HNRNPH1: variants seen among roughly 807,000 people sequenced by gnomAD.
HNRNPH1 encodes the protein heterogeneous nuclear ribonucleoprotein H1, also known as heterogeneous nuclear ribonucleoprotein H.
In HNRNPH1, 4 loss-of-function variants were observed where a neutral mutation model predicts 58.6. The ratio of observed to expected loss-of-function variants is 0.07; its 90% confidence interval spans 0.03 to 0.16. The LOEUF (loss-of-function observed/expected upper bound fraction) is 0.16. Ranked by LOEUF, HNRNPH1 falls within the 10% of genes least tolerant of loss-of-function variation. HNRNPH1 has a pLI of 1.00. For synonymous variants in HNRNPH1, 192 were observed against 189.2 expected, an observed-to-expected ratio of 1.01 and a Z score of -0.12; for missense variants, 271 against 564.2, an observed-to-expected ratio of 0.48 and a Z score of 5.26.
At chr5:179,615,237 T>C in intron 12 of HNRNPH1, 1 of 427,812 alleles carries the variant, frequency 2.3e-6, no homozygotes, top group Non-Finnish European at 4.2e-6. Flanking sequence ...CTAGTGTTTT[T>C]CAAAAATTGC....
chr5:179,621,018 C>T (rs149952607), exon 3 of HNRNPH1: 3 of 1,613,810 alleles, frequency 1.9e-6, no homozygotes, highest in South Asian at 1.1e-5. Context: ...TCCATTTCAA[C>T]GTTGTTTGAC....
chr5:179,617,411 G>A (rs750671847), intron 8 of HNRNPH1, 103 bp downstream of exon 9: 61 of 1,319,470 alleles, frequency 4.6e-5, no homozygotes, highest in African/African-American at 7.3e-5. Flanking sequence ...ATCTATTACT[G>A]GAGAGGAAAC....
upstream of HNRNPH1, among the ~76,000 whole-genome samples, chr5:179,626,339 A>T (rs1398522874): frequency 6.6e-6 from 1 of 151,890 alleles, no homozygotes. Context: ...TCCTGACCTC[A>T]AGTGATCTGC....
At chr5:179,615,016 A>G in intron 12 of HNRNPH1, 57 bp from the exon 14 acceptor site, 1 of 1,037,500 alleles carries the variant, frequency 9.6e-7, no homozygotes, top group Non-Finnish European at 1.5e-6. Context: ...AGTCAAATAA[A>G]ATATAGTATT....
exon 11 of HNRNPH1, chr5:179,616,208 G>A (rs755248891): frequency 4.3e-6 from 7 of 1,613,812 alleles, no homozygotes; most frequent in African/African-American, 1.3e-5. Flanking sequence ...CCCCGTAGCT[G>A]GACTGGTTTG....
intron 8 of HNRNPH1, 55 bp downstream of exon 9, chr5:179,617,459 A>G: frequency 6.4e-7 from 1 of 1,567,092 alleles, no homozygotes; most frequent in Non-Finnish European, 8.7e-7. Context: ...CTCTATTGTA[A>G]ATGTTAGTCA....
At chr5:179,618,048 T>C (rs140414006) in exon 6 of HNRNPH1, 1 of 1,614,118 alleles carries the variant, frequency 6.2e-7, no homozygotes, top group Non-Finnish European at 8.5e-7. Context: ...GTAATCATCA[T>C]AGCCTCCATA....
At chr5:179,614,307 CTAA>C (rs1768376932) in exon 13 of HNRNPH1, 1 of 151,666 alleles carries the variant, frequency 6.6e-6, no homozygotes, top group Non-Finnish European at 1.5e-5. Flanking sequence ...GACCAAAATC[CTAA>C]GTATTGGTAT....
chr5:179,617,727 C>T lies in HNRNPH1; in HGVS notation c.921+72G>A, dbSNP rs112827407. On this transcript the variant is annotated intron_variant, in intron 7 of 12. Coordinates refer to ENST00000356731, the Ensembl canonical transcript of HNRNPH1. ...AAAACCTAAAATTTCTAACATAGTG[C>T]TCACATTTATAGAATAAGGCTGACT... 1,337 of 1,603,722 alleles carry T rather than the reference C, an allele frequency of 8.3e-4. 15 individuals are homozygous for T. The African/African-American group carries it at 0.016, about 19-fold the overall frequency.
intron 10 of HNRNPH1, 51 bp from the exon 12 acceptor site, chr5:179,616,269 C>CACCAGGTACCACA: frequency 7.2e-7 from 1 of 1,379,752 alleles, no homozygotes; most frequent in Non-Finnish European, 1.0e-6. Context: ...GATGTGGTAC[C>CACCAGGTACCACA]TGGTGGTACC....
At chr5:179,622,208 C>T (rs769798255) in intron 1 of HNRNPH1, among the ~76,000 whole-genome samples, 3 of 145,602 alleles carry the variant, frequency 2.1e-5, no homozygotes, top group Non-Finnish European at 4.7e-5. Context: ...AAACACTCTT[C>T]AATTATCAAA....
intron 2 of HNRNPH1, among the ~76,000 whole-genome samples, chr5:179,632,750 T>C (rs1245348546): frequency 1.7e-5 from 2 of 121,014 alleles, no homozygotes; most frequent in African/African-American, 3.2e-5. Flanking sequence ...CCAAATCAAA[T>C]ATCTTTTTTT....
intron 3 of HNRNPH1, 189 bp downstream of exon 4, chr5:179,620,703 T>C: frequency 1.7e-6 from 1 of 579,104 alleles, no homozygotes; most frequent in South Asian, 2.2e-5. Flanking sequence ...AGTTAACATT[T>C]TGGAAGTACT....
In HNRNPH1 at chr5:179,615,598, G is replaced by T; in HGVS notation, c.1301-3C>A. 2 of 1,533,024 alleles carry T rather than the reference G, an allele frequency of 1.3e-6. No homozygotes were observed. Among genetic ancestry groups the T allele is most frequent in the Non-Finnish European group, 1.8e-6 (2 of 1,110,410 alleles). 95.0% of individuals were successfully genotyped at this position (1,533,024 alleles called of 1,614,324 possible). A position where few individuals can be genotyped will look rare whatever the true frequency, so the allele number is the denominator to read the frequency against. On this transcript the variant is annotated splice_region_variant and splice_polypyrimidine_tract_variant and intron_variant, in intron 11 of 12. Transcript: ENST00000356731. ...GGAGTTTTCCTGTAAAACTTGGTCT[G>T]CAAAAGGATTTTGTAGGGTAAGACT...
At chr5:179,631,537 G>C (rs1454298243) in intron 2 of HNRNPH1, among the ~76,000 whole-genome samples, 1 of 151,906 alleles carries the variant, frequency 6.6e-6, no homozygotes, top group East Asian at 1.9e-4. Context: ...CCTGAGGTCG[G>C]GAGTTCAAGA....
chr5:179,621,100 G>C, intron 2 of HNRNPH1, 65 bp from the exon 4 acceptor site: 1 of 1,562,744 alleles, frequency 6.4e-7, no homozygotes, highest in Non-Finnish European at 8.8e-7. Context: ...GACTTCCTGG[G>C]TCTTTAGATA....
rs1435987550 is a variant in HNRNPH1 at position 179,623,657 on chromosome 5, G to A, written c.-524C>T. ...TCACCTAGACACGCGACTTCTGCGT[G>A]GCTAAGACGAAATGGCCAGCGGGCG... On this transcript the variant is annotated 5_prime_UTR_variant, in exon 1 of 13. Transcript: ENST00000356731. 1.3e-5 allele frequency: 2 copies of A among 153,098 alleles called. 1 individual carries two copies. The highest frequency in any genetic ancestry group is 3.8e-4 in the South Asian group (2 of 5,322). The allele number at this position is 153,098 out of a possible 1,614,324, so 9.5% of individuals were successfully genotyped here.
At chr5:179,631,575 G>C (rs1774832136) in intron 2 of HNRNPH1, among the ~76,000 whole-genome samples, 1 of 152,118 alleles carries the variant, frequency 6.6e-6, no homozygotes, top group East Asian at 1.9e-4. Context: ...GTGAAACCCC[G>C]CCTCTATTAA....
chr5:179,615,051 C>T lies in HNRNPH1; in HGVS notation c.*1-92G>A, dbSNP rs561550070. On this transcript the variant is annotated intron_variant, in intron 12 of 12. Transcript: ENST00000356731. The stretch of plus-strand genomic sequence containing the variant: ...TCCAAGAAAAAGTTTAAAAAGTATA[C>T]GAGTACAAATGGCTGCTGTCCAAGT... The T allele has an allele frequency of 7.9e-5, 64 of 813,438 alleles. No individual in the cohort carries two copies. The Middle Eastern group carries it at 9.2e-4, about 12-fold the overall frequency. The allele number at this position is 813,438 out of a possible 1,614,324, so 50.4% of individuals were successfully genotyped here.
Sources: allele counts gnomAD v4.1 joint callset (sites outside exome capture counted in the v4.1 genomes callset), GRCh38; gene constraint gnomAD v4.1.1; transcripts MANE v1.5; gene names NCBI Gene and HGNC (gene_info 2026-07-23, HGNC 2026-07-21).